QKI: variants seen among roughly 807,000 people sequenced by gnomAD.
QKI encodes KH domain-containing RNA-binding protein QKI.
QKI carries 10 observed loss-of-function variants against 39.0 expected under a neutral mutation model. The observed-to-expected ratio is 0.26, with a 90% CI of 0.16 to 0.43. QKI has a LOEUF of 0.43. Ranked by LOEUF, QKI falls within the 20% of genes least tolerant of loss-of-function variation. The probability of loss-of-function intolerance (pLI) is 1.00; values close to 1 mark genes in which losing one functional copy is unlikely to be tolerated. For missense variants in QKI, 218 were observed against 428.0 expected (o/e 0.51, Z 4.33); for synonymous variants, 204 against 155.4 (o/e 1.31, Z -2.33).
intron 1 of QKI, among the ~76,000 whole-genome samples, chr6:163,444,301 G>C (rs186342352): frequency 6.6e-6 from 1 of 152,108 alleles, no homozygotes. Context: ...TGCTCATTTC[G>C]CAGATGAAGA....
At chr6:163,554,953 C>G (rs1043603048) in intron 4 of QKI, among the ~76,000 whole-genome samples, 1 of 152,176 alleles carries the variant, frequency 6.6e-6, no homozygotes, top group Admixed American at 6.6e-5. Flanking sequence ...CTCTCATAAA[C>G]CCCTTTGTTT....
intron 4 of QKI, among the ~76,000 whole-genome samples, chr6:163,555,013 A>C (rs1294695620): frequency 6.6e-6 from 1 of 152,220 alleles, no homozygotes; most frequent in East Asian, 1.9e-4. Flanking sequence ...CTGTCGGAGC[A>C]GATCAAGGTG....
rs1783793324 is a variant in QKI, at chr6:163,572,985, A to G, written c.*2275A>G. On this transcript the variant is annotated 3_prime_UTR_variant, in exon 8 of 8. Coordinates refer to ENST00000361752, the MANE Select transcript of QKI (RefSeq NM_006775.3). ...TTGAATAAATTTGCGACACTCAAAC[A>G]CTTGAGGTGATAGTTGTTAAAAACA... 1 of 152,184 alleles carries G rather than the reference A, an allele frequency of 6.6e-6. No homozygotes were observed. The highest frequency in any genetic ancestry group is 2.4e-5 in the African/African-American group (1 of 41,450). 9.4% of individuals were successfully genotyped at this position (152,184 alleles called of 1,614,324 possible). A position where few individuals can be genotyped will look rare whatever the true frequency, so the allele number is the denominator to read the frequency against.
In QKI at chr6:163,471,000, GAAAT is replaced by G. The variant is rs148999438; in HGVS notation, c.286-7776_286-7773del. Among the ~76,000 whole-genome samples the G allele has an allele frequency of 4.0e-3, 614 of 152,160 alleles. 4 individuals are homozygous for G. The highest frequency in any genetic ancestry group is 0.014 in the African/African-American group (593 of 41,542). On this transcript the variant is annotated intron_variant, in intron 2 of 7. Transcript: ENST00000361752. ...TTTCAGAACTATAAAACCAAAGAAA[GAAAT>G]AAAGTCACAGATTTGTGAAATTGTG... is the stretch of plus-strand genomic sequence containing the variant.
chr6:163,427,339 A>C (rs371541665), intron 1 of QKI, among the ~76,000 whole-genome samples: 1 of 151,478 alleles, frequency 6.6e-6, no homozygotes. Context: ...TATTAAGGAA[A>C]ATACTTTCAA....
At position 163,573,026 on chromosome 6, in the gene QKI, C is replaced by T. The variant is rs1003707723; in HGVS notation, c.*2316C>T. 26 of 152,092 alleles carry T rather than the reference C, an allele frequency of 1.7e-4. No individual in the cohort carries two copies. The highest frequency in any genetic ancestry group is 7.4e-5 in the Non-Finnish European group (5 of 68,020). The allele number at this position is 152,092 out of a possible 1,614,324, so 9.4% of individuals were successfully genotyped here. A position where few individuals can be genotyped will look rare whatever the true frequency, so the allele number is the denominator to read the frequency against. On this transcript the variant is annotated 3_prime_UTR_variant, in exon 8 of 8. Transcript: ENST00000361752. ...GTTAAAAACAATACCAGTATTTGAT[C>T]CAGTTTCATCTCAACTATGTTATAC...
Position 163,577,841 on chromosome 6 carries a change from A to G in QKI, c.*7131A>G, listed in dbSNP as rs56276977. 1 of 152,208 alleles carries G rather than the reference A, an allele frequency of 6.6e-6. No individual in the cohort carries two copies. The allele number at this position is 152,208 out of a possible 1,614,324, so 9.4% of individuals were successfully genotyped here. A position where few individuals can be genotyped will look rare whatever the true frequency, so the allele number is the denominator to read the frequency against. On this transcript the variant is annotated 3_prime_UTR_variant, in exon 8 of 8. Transcript: ENST00000361752. ...CACATTGTGTTCTTATGTTTACAGA[A>G]GTGCTTAAGTGAATGGAAGCACTAG...
chr6:163,440,312 A>T (rs1789670537), intron 1 of QKI, among the ~76,000 whole-genome samples: 1 of 152,152 alleles, frequency 6.6e-6, no homozygotes, highest in Non-Finnish European at 1.5e-5. Flanking sequence ...CTAGATTTTC[A>T]TCTTTATGTG....
chr6:163,539,544 C>G (rs1213383724), intron 4 of QKI, among the ~76,000 whole-genome samples: 1 of 152,108 alleles, frequency 6.6e-6, no homozygotes, highest in African/African-American at 2.4e-5. Flanking sequence ...TTAGACCTTT[C>G]CATTACCCCT....
At chr6:163,459,829 A>G (rs1167304677) in intron 2 of QKI, among the ~76,000 whole-genome samples, 1 of 152,228 alleles carries the variant, frequency 6.6e-6, no homozygotes, top group African/African-American at 2.4e-5. Context: ...TTTCTCATGC[A>G]TTCATGAAAC....
intron 3 of QKI, among the ~76,000 whole-genome samples, chr6:163,517,005 T>A (rs73246618): frequency 3.8e-4 from 58 of 151,786 alleles, no homozygotes; most frequent in African/African-American, 1.4e-3. Flanking sequence ...AAGAAAAGCT[T>A]AACAAGTTTC....
chr6:163,426,511 G>T (rs1018884388), intron 1 of QKI, among the ~76,000 whole-genome samples: 8 of 151,664 alleles, frequency 5.3e-5, no homozygotes, highest in African/African-American at 1.7e-4. Flanking sequence ...AGTTTTTTTT[G>T]TTTTGTTTTG....
At chr6:163,495,227 C>T (rs985559174) in intron 3 of QKI, among the ~76,000 whole-genome samples, 1 of 152,046 alleles carries the variant, frequency 6.6e-6, no homozygotes, top group African/African-American at 2.4e-5. Context: ...AATAAGGTGT[C>T]TTTGAACAGA....
rs543153462 is a variant in QKI at position 163,451,818 on chromosome 6, T to C, written c.143-3461T>C. On this transcript the variant is annotated intron_variant, in intron 1 of 7. Coordinates refer to ENST00000361752, the MANE Select transcript of QKI (RefSeq NM_006775.3). ...ATTAGTTATGAAGCATTCCTATGTTTCATGAGAACACCTGTGAAGCTATTA... is the reference window on the plus strand; with the variant it reads ...ATTAGTTATGAAGCATTCCTATGTTCCATGAGAACACCTGTGAAGCTATTA... Among the ~76,000 whole-genome samples the C allele has an allele frequency of 6.6e-5, 10 of 152,300 alleles. No individual in the cohort carries two copies. In the East Asian group the frequency reaches 1.9e-3, roughly 29 times the overall value.
intron 4 of QKI, among the ~76,000 whole-genome samples, chr6:163,541,743 A>G (rs755523223): frequency 1.3e-5 from 2 of 151,962 alleles, no homozygotes; most frequent in African/African-American, 2.4e-5. Context: ...TTCATTTCAT[A>G]TGATAGTAAC....
At chr6:163,570,654 CT>C (rs753366518) in intron 7 of QKI, 39 bp from the exon 8 acceptor site, 14 of 1,601,410 alleles carry the variant, frequency 8.7e-6, no homozygotes, top group East Asian at 4.5e-5. Context: ...CTTTTCTTTT[CT>C]TTTTTTTGTT....
At chr6:163,465,316 A>C (rs1791653709) in intron 2 of QKI, among the ~76,000 whole-genome samples, 1 of 152,136 alleles carries the variant, frequency 6.6e-6, no homozygotes, top group Admixed American at 6.5e-5. Flanking sequence ...TTCTAGCCAG[A>C]ACAGTTAGGC....
chr6:163,539,285 G>A (rs1394142338), intron 4 of QKI, among the ~76,000 whole-genome samples: 2 of 152,178 alleles, frequency 1.3e-5, no homozygotes, highest in Non-Finnish European at 2.9e-5. Flanking sequence ...TTGGCAAGTA[G>A]TGGTCATTGG....
chr6:163,457,507 A>G (rs1791009296), intron 2 of QKI: 2 of 454,966 alleles, frequency 4.4e-6, no homozygotes, highest in South Asian at 3.1e-5. Flanking sequence ...GGGAACTGTA[A>G]ATGTTCAAGC....
Sources: gnomAD v4.1 joint callset for allele counts (sites outside exome capture counted in the v4.1 genomes callset) on GRCh38, gnomAD v4.1.1 for gene constraint, MANE v1.5 for transcripts, NCBI Gene and HGNC (gene_info 2026-07-23, HGNC 2026-07-21) for gene names.